The following ATP2C2 variants were observed in gnomAD, a reference collection of about 807,000 sequenced individuals.
The protein encoded by ATP2C2 is calcium-transporting ATPase type 2C member 2.
Under a neutral mutation model 110.8 loss-of-function variants are expected in ATP2C2, and 171 were observed. The ratio of observed to expected loss-of-function variants is 1.54; its 90% CI spans 1.36 to 1.75. The LOEUF is 1.75. Ranked by LOEUF, ATP2C2 falls within the 40% of genes most tolerant of loss-of-function variation. The pLI is 0.00. For synonymous variants in ATP2C2, 804 were observed against 508.4 expected, an observed-to-expected ratio of 1.58 and a Z score of -7.82; for missense variants, 1,963 against 1,235.0, an observed-to-expected ratio of 1.59 and a Z score of -8.84.
intron 1 of ATP2C2, among the ~76,000 whole-genome samples, chr16:84,386,481 A>G (rs1904327148): frequency 6.6e-6 from 1 of 152,084 alleles, no homozygotes; most frequent in Non-Finnish European, 1.5e-5. Flanking sequence ...CTTGCCAACA[A>G]TTGCACTGGC....
At chr16:84,447,797 T>C (rs1413084158) in intron 16 of ATP2C2, among the ~76,000 whole-genome samples, 1 of 145,322 alleles carries the variant, frequency 6.9e-6, no homozygotes, top group East Asian at 1.9e-4. Flanking sequence ...ATATAAATAA[T>C]ATACAATACA....
intron 11 of ATP2C2, among the ~76,000 whole-genome samples, chr16:84,434,637 C>T (rs1226287682): frequency 6.6e-6 from 1 of 151,716 alleles, no homozygotes. Context: ...CCTGCCTCAG[C>T]CTCCCCAAGT....
intron 3 of ATP2C2, among the ~76,000 whole-genome samples, chr16:84,408,132 G>T (rs565973179): frequency 6.6e-6 from 1 of 152,316 alleles, no homozygotes; most frequent in East Asian, 1.9e-4. Flanking sequence ...TCATGGAGAT[G>T]TGGAGAGGCG....
At chr16:84,412,298 G>GTA (rs1174187383) in intron 6 of ATP2C2, among the ~76,000 whole-genome samples, 1 of 69,156 alleles carries the variant, frequency 1.4e-5, no homozygotes, top group East Asian at 8.2e-4. Context: ...GTATGTGTGT[G>GTA]TGTGAGCATG....
At chr16:84,420,089 C>T (rs150804454) in intron 7 of ATP2C2, among the ~76,000 whole-genome samples, 1,910 of 152,258 alleles carry the variant, frequency 0.013, 22 homozygotes, top group Non-Finnish European at 0.02. Context: ...TGTGACTTAA[C>T]CTATCTCATC....
intron 1 of ATP2C2, among the ~76,000 whole-genome samples, chr16:84,392,552 T>C (rs1677587437): frequency 6.6e-6 from 1 of 152,154 alleles, no homozygotes; most frequent in South Asian, 2.1e-4. Flanking sequence ...AACCTCTGCC[T>C]CCTGAGTTCA....
At chr16:84,414,543 T>C (rs1053613026) in intron 6 of ATP2C2, among the ~76,000 whole-genome samples, 1 of 151,858 alleles carries the variant, frequency 6.6e-6, no homozygotes, top group African/African-American at 2.4e-5. Flanking sequence ...CACTCATGTC[T>C]CTCGGGCCAG....
At chr16:84,423,123 T>G in intron 9 of ATP2C2, 65 bp from the exon 10 acceptor site, 1 of 1,435,926 alleles carries the variant, frequency 7.0e-7, no homozygotes, top group South Asian at 1.2e-5. Context: ...GGTGAAGACA[T>G]TTTGAACAAA....
chr16:84,452,135 A>T (rs78375879), intron 18 of ATP2C2, 44 bp downstream of exon 18: 3 of 1,605,030 alleles, frequency 1.9e-6, no homozygotes, highest in Non-Finnish European at 2.6e-6. Flanking sequence ...GGACCCATCC[A>T]TCCTTTACGA....
Position 84,461,818 on chromosome 16 carries a change from A to G in ATP2C2, c.2580+6A>G, listed in dbSNP as rs1911380566. 4.3e-6 allele frequency: 7 copies of G among 1,612,296 alleles called. No individual in the cohort carries two copies. Among genetic ancestry groups the G allele is most frequent in the African/African-American group, 2.7e-5 (2 of 74,866 alleles). On this transcript the variant is annotated splice_donor_region_variant and intron_variant, in intron 25 of 26. Coordinates refer to ENST00000262429, the MANE Select transcript of ATP2C2 (RefSeq NM_014861.4). ...CCTTGACCTGCCGCTCTCAGGTGAG[A>G]CCCGGGCTGACCCTCCTCGCTGCAG...
chr16:84,441,767 T>C (rs575533994), intron 14 of ATP2C2, among the ~76,000 whole-genome samples: 1 of 151,912 alleles, frequency 6.6e-6, no homozygotes. Context: ...CTAAAAAATA[T>C]AAAAATTAGC....
intron 1 of ATP2C2, among the ~76,000 whole-genome samples, chr16:84,395,117 C>G (rs1818717061): frequency 6.6e-6 from 1 of 152,040 alleles, no homozygotes; most frequent in Non-Finnish European, 1.5e-5. Flanking sequence ...GAGCAGAGTC[C>G]CTGTTTCCAG....
Position 84,399,038 on chromosome 16 carries a change from G to C in ATP2C2, c.210+429G>C, listed in dbSNP as rs55823133. On this transcript the variant is annotated intron_variant, in intron 2 of 26. Transcript: ENST00000262429. ...TTCCCACCGTCGTCTTTTATAATCC[G>C]TGGAGTTGCCAGGTACTAAAACCAA... Among the ~76,000 whole-genome samples, 333 of 152,322 alleles carry C rather than the reference G, an allele frequency of 2.2e-3. 1 individual carries two copies. The highest frequency in any genetic ancestry group is 7.3e-3 in the African/African-American group (305 of 41,576).
At chr16:84,381,596 TA>T (rs1039467232) in intron 1 of ATP2C2, among the ~76,000 whole-genome samples, 4 of 151,590 alleles carry the variant, frequency 2.6e-5, no homozygotes, top group South Asian at 4.2e-4. Context: ...AAAAAATATT[TA>T]AAAAAAAATT....
At chr16:84,421,267 C>T (rs58084014) in intron 7 of ATP2C2, among the ~76,000 whole-genome samples, 160 of 152,210 alleles carry the variant, frequency 1.1e-3, no homozygotes, top group African/African-American at 3.6e-3. Context: ...ACTGCGCAGC[C>T]GGAGGCCTCG....
At chr16:84,412,560 G>GCA (rs147512014) in intron 6 of ATP2C2, among the ~76,000 whole-genome samples, 196 of 151,252 alleles carry the variant, frequency 1.3e-3, no homozygotes, top group Non-Finnish European at 2.1e-3. Flanking sequence ...GTGTGTGTGT[G>GCA]TGTGTGTGTA....
intron 10 of ATP2C2, among the ~76,000 whole-genome samples, chr16:84,425,075 C>T (rs1907689362): frequency 6.6e-6 from 1 of 152,126 alleles, no homozygotes; most frequent in Non-Finnish European, 1.5e-5. Context: ...GGCAGCTGCC[C>T]CCCTCAATAC....
intron 3 of ATP2C2, chr16:84,406,619 G>A (rs539214501): frequency 1.0e-5 from 10 of 985,530 alleles, no homozygotes; most frequent in Middle Eastern, 1.0e-3. Flanking sequence ...GTTATTCATC[G>A]ATGCGTTTTG....
chr16:84,460,276 C>T lies in ATP2C2; in HGVS notation c.2334-378C>T, dbSNP rs1468314294. 1.3e-5 allele frequency: 4 copies of T among 301,008 alleles called. No individual in the cohort carries two copies. The Admixed American group carries it at 1.4e-4, about 11-fold the overall frequency. 18.6% of individuals were successfully genotyped at this position (301,008 alleles called of 1,614,324 possible). Reference sequence around the variant, plus strand: ...CCTGCTGTGTGGAGTTGGCTGGAGGCTGGTCTCTCTCAGCTGATGAGGGGC... The same window carrying T: ...CCTGCTGTGTGGAGTTGGCTGGAGGTTGGTCTCTCTCAGCTGATGAGGGGC... On this transcript the variant is annotated intron_variant, in intron 23 of 26. Coordinates refer to ENST00000262429, the MANE Select transcript of ATP2C2 (RefSeq NM_014861.4).
Sources: allele counts gnomAD v4.1 joint callset (sites outside exome capture counted in the v4.1 genomes callset), GRCh38; gene constraint gnomAD v4.1.1; transcripts MANE v1.5; gene names NCBI Gene and HGNC (gene_info 2026-07-23, HGNC 2026-07-21).